Variants in PTPRA observed in about 807,000 individuals in gnomAD.
PTPRA encodes the protein protein tyrosine phosphatase receptor type A.
Under a neutral mutation model 104.8 loss-of-function variants are expected in PTPRA, and 25 were observed. The observed-to-expected ratio is 0.24, with a 90% CI of 0.17 to 0.33. The LOEUF (loss-of-function observed/expected upper bound fraction) is 0.33, where lower values mean the gene tolerates loss of function less well. Among genes scored for constraint, PTPRA ranks in the 10% least tolerant of loss-of-function variants. The pLI, the probability that PTPRA is intolerant of heterozygous loss-of-function variation, is 1.00. For synonymous variants in PTPRA, 323 were observed against 368.9 expected (o/e 0.88, Z 1.43); for missense variants, 765 against 1,015.3 (o/e 0.75, Z 3.35).
At chr20:2,924,707 A>C (rs2060229534) in intron 2 of PTPRA, among the ~76,000 whole-genome samples, 1 of 152,034 alleles carries the variant, frequency 6.6e-6, no homozygotes, top group African/African-American at 2.4e-5. Context: ...TTTGAGACTG[A>C]GTCTTGCTAT....
In PTPRA at chr20:2,979,910, TTTTTG is replaced by T. The variant is rs1205318449; in HGVS notation, c.442+4685_442+4689del. ...GTTGGTGTTTTTTTGTTTGTTTTCA[TTTTTG>T]TTTTGTTTTGTTTTGAGACGGAGTT... On this transcript the variant is annotated intron_variant, in intron 6 of 23. Transcript: ENST00000399903. Among the ~76,000 whole-genome samples the T allele has an allele frequency of 7.9e-5, 12 of 151,994 alleles. No homozygotes were observed. In the East Asian group the frequency reaches 2.1e-3, roughly 27 times the overall value.
At chr20:2,887,406 T>C (rs1167527602) in intron 1 of PTPRA, among the ~76,000 whole-genome samples, 1 of 152,132 alleles carries the variant, frequency 6.6e-6, no homozygotes, top group Non-Finnish European at 1.5e-5. Context: ...TTATTTGATG[T>C]TTATTAGAGC....
intron 2 of PTPRA, among the ~76,000 whole-genome samples, chr20:2,927,874 G>T (rs1042231053): frequency 9.2e-5 from 14 of 152,038 alleles, no homozygotes; most frequent in African/African-American, 3.4e-4. Context: ...GCCAGGCGTG[G>T]TGGTGGGTGC....
Position 3,037,003 on chromosome 20 carries a change from C to T in PTPRA, c.2199-151C>T. ...GGAAGGGCACAGGGTACACTGCCTC[C>T]CGACCCAGAACCCCTCCAGGCTGGT... On this transcript the variant is annotated intron_variant, in intron 22 of 23. Coordinates refer to ENST00000399903, the MANE Select transcript of PTPRA (RefSeq NM_001385305.1). This position sits in a 1 kb window ranked among gnomAD's most constrained non-coding sequence, Gnocchi z 4.3. 9.0e-7 allele frequency: 1 copy of T among 1,110,370 alleles called. No homozygotes were observed. The highest frequency in any genetic ancestry group is 1.3e-6 in the Non-Finnish European group (1 of 774,872). 68.8% of individuals were successfully genotyped at this position (1,110,370 alleles called of 1,614,324 possible). A position where few individuals can be genotyped will look rare whatever the true frequency, so the allele number is the denominator to read the frequency against.
intron 9 of PTPRA, among the ~76,000 whole-genome samples, chr20:2,995,495 A>G (rs1400950911): frequency 1.3e-5 from 2 of 152,182 alleles, no homozygotes; most frequent in Non-Finnish European, 2.9e-5. Context: ...ATGTGTGGGC[A>G]ATGCAGGCTG....
intron 2 of PTPRA, among the ~76,000 whole-genome samples, chr20:2,944,313 A>G (rs949268701): frequency 3.9e-5 from 6 of 152,142 alleles, no homozygotes; most frequent in African/African-American, 1.4e-4. Context: ...AAGTGCTGGG[A>G]TTACAGGCGT....
At chr20:2,947,150 T>G (rs6076448) in intron 2 of PTPRA, among the ~76,000 whole-genome samples, 112,541 of 152,078 alleles carry the variant, frequency 0.74, 44,969 homozygotes, top group Middle Eastern at 0.9. Context: ...AGGTTTACCA[T>G]TTATTTGCTT....
At chr20:3,027,673 C>T in intron 19 of PTPRA, 34 bp from the exon 20 acceptor site, 1 of 1,608,504 alleles carries the variant, frequency 6.2e-7, no homozygotes, top group Admixed American at 1.7e-5. Context: ...GTGATTAAAC[C>T]ATCTCACCCT....
chr20:2,956,143 T>C (rs944748062), intron 3 of PTPRA, among the ~76,000 whole-genome samples: 12 of 152,230 alleles, frequency 7.9e-5, no homozygotes, highest in Admixed American at 1.3e-4. Flanking sequence ...ATCTGGTTTA[T>C]TGGCTAGATT....
In PTPRA at chr20:3,027,725, T is replaced by G; in HGVS notation, c.1804T>G (p.Ser602Ala). The G allele has an allele frequency of 6.2e-7, 1 of 1,614,068 alleles. No individual in the cohort carries two copies. Among genetic ancestry groups the G allele is most frequent in the Non-Finnish European group, 8.5e-7 (1 of 1,180,010 alleles). The change falls in exon 20 of 24, where the codon TCC becomes GCC. Residue 602 changes from serine (S) to alanine (A), a missense_variant. Transcript: ENST00000399903. ...TGTGCAGGGCTACCGGCAGAAGGAC[T>G]CCTATATCGCCAGCCAGGGCCCTCT... ...SFIDGYRQKD[S>A]YIASQGPLLH... is the part of the protein sequence containing the mutation.
At chr20:3,023,086 C>T (rs932033808) in intron 16 of PTPRA, among the ~76,000 whole-genome samples, 1 of 152,210 alleles carries the variant, frequency 6.6e-6, no homozygotes, top group African/African-American at 2.4e-5. Flanking sequence ...ACCCTGTGCT[C>T]GCAGAAACAT....
At chr20:2,935,009 TA>T (rs1219352097) in intron 2 of PTPRA, among the ~76,000 whole-genome samples, 1 of 152,134 alleles carries the variant, frequency 6.6e-6, no homozygotes, top group African/African-American at 2.4e-5. Flanking sequence ...CTTTGTTCAA[TA>T]AAAATAACAT....
intron 3 of PTPRA, among the ~76,000 whole-genome samples, chr20:2,949,717 ATTGT>A: frequency 6.9e-6 from 1 of 145,864 alleles, no homozygotes; most frequent in Admixed American, 7.1e-5. Flanking sequence ...ATAATTGCGT[ATTGT>A]TTTTTTTTTT....
At chr20:2,961,612 A>G (rs1319657504) in intron 3 of PTPRA, among the ~76,000 whole-genome samples, 1 of 152,178 alleles carries the variant, frequency 6.6e-6, no homozygotes, top group Non-Finnish European at 1.5e-5. Context: ...GACATTTTAT[A>G]TTTTAATGAA....
chr20:2,891,865 A>G (rs2058804866), intron 1 of PTPRA, among the ~76,000 whole-genome samples: 1 of 152,198 alleles, frequency 6.6e-6, no homozygotes, highest in African/African-American at 2.4e-5. Flanking sequence ...TAATCTCCAG[A>G]TTACCTATAT....
chr20:3,009,811 C>T (rs948772737), intron 11 of PTPRA, among the ~76,000 whole-genome samples: 1 of 151,440 alleles, frequency 6.6e-6, no homozygotes, highest in Non-Finnish European at 1.5e-5. Flanking sequence ...TGTCCAGCTG[C>T]GGGTAAGAGA....
chr20:2,996,256 G>T (rs930246095), intron 9 of PTPRA, among the ~76,000 whole-genome samples: 5 of 152,224 alleles, frequency 3.3e-5, no homozygotes, highest in African/African-American at 1.2e-4. Context: ...GACCTTGGTG[G>T]CTTTGGGGCC....
chr20:2,943,248 AT>A (rs1455924698), intron 2 of PTPRA, among the ~76,000 whole-genome samples: 14 of 130,222 alleles, frequency 1.1e-4, no homozygotes, highest in African/African-American at 3.8e-4. Flanking sequence ...TACTGAAATT[AT>A]ATTAAATATA....
At chr20:2,957,906 G>C (rs145904699) in intron 3 of PTPRA, among the ~76,000 whole-genome samples, 113 of 152,282 alleles carry the variant, frequency 7.4e-4, no homozygotes, top group African/African-American at 2.6e-3. Context: ...CACTGAAGCG[G>C]AAATAGTGAT....
Sources: gnomAD v4.1 joint callset for allele counts (sites outside exome capture counted in the v4.1 genomes callset) on GRCh38, gnomAD v4.1.1 for gene constraint, Gnocchi (gnomAD v3.1) non-coding constraint, MANE v1.5 for transcripts, NCBI Gene and HGNC (gene_info 2026-07-23, HGNC 2026-07-21) for gene names.